Variants in CNTN5 observed in about 807,000 individuals in gnomAD.
CNTN5 encodes the protein contactin-5.
Under a neutral mutation model 129.1 loss-of-function variants are expected in CNTN5, and 77 were observed. The observed-to-expected ratio is 0.60, with a 90% confidence interval of 0.50 to 0.72. The LOEUF (loss-of-function observed/expected upper bound fraction) is 0.72, where lower values mean the gene tolerates loss of function less well. Ranked by LOEUF, CNTN5 falls within the 30% of genes least tolerant of loss-of-function variation. The pLI, the probability that CNTN5 is intolerant of heterozygous loss-of-function variation, is 0.00. For missense variants in CNTN5, 1,478 were observed against 1,328.8 expected (o/e 1.11, Z -1.75); for synonymous variants, 509 against 465.6 (o/e 1.09, Z -1.20).
At chr11:99,403,552 G>A (rs1941928071) in intron 2 of CNTN5, among the ~76,000 whole-genome samples, 1 of 151,756 alleles carries the variant, frequency 6.6e-6, no homozygotes, top group African/African-American at 2.4e-5. Context: ...GTTATGTTTG[G>A]TTTCCATTAT....
intron 13 of CNTN5, among the ~76,000 whole-genome samples, chr11:100,171,082 T>A (rs34307753): frequency 0.14 from 19,976 of 146,610 alleles, 1,306 homozygotes; most frequent in African/African-American, 0.17. Flanking sequence ...AAAAGTTGAT[T>A]GATGTTGATT....
At chr11:100,144,097 C>A (rs1946777746) in intron 13 of CNTN5, among the ~76,000 whole-genome samples, 1 of 152,122 alleles carries the variant, frequency 6.6e-6, no homozygotes, top group South Asian at 2.1e-4. Context: ...TCATGACTAT[C>A]AAATTTTACT....
At chr11:99,320,545 A>C (rs1865525951) in intron 1 of CNTN5, among the ~76,000 whole-genome samples, 1 of 152,212 alleles carries the variant, frequency 6.6e-6, no homozygotes. Context: ...GAAAGCCAGA[A>C]TCAAACACGG....
intron 3 of CNTN5, among the ~76,000 whole-genome samples, chr11:99,765,721 C>A (rs1162880354): frequency 6.6e-6 from 1 of 151,236 alleles, no homozygotes; most frequent in Non-Finnish European, 1.5e-5. Flanking sequence ...GAGTCTACAC[C>A]TTTTTTGTTG....
At chr11:100,209,483 T>C (rs1387791630) in intron 15 of CNTN5, among the ~76,000 whole-genome samples, 3 of 152,244 alleles carry the variant, frequency 2.0e-5, no homozygotes, top group African/African-American at 4.8e-5. Flanking sequence ...ACATTCTTTT[T>C]AACATGTTAG....
intron 2 of CNTN5, among the ~76,000 whole-genome samples, chr11:99,394,578 T>C (rs946809451): frequency 2.0e-5 from 3 of 151,644 alleles, no homozygotes; most frequent in Admixed American, 6.6e-5. Flanking sequence ...GGGGTATAAG[T>C]GCAGGTTTGT....
At chr11:99,353,624 A>G (rs569623072) in intron 2 of CNTN5, among the ~76,000 whole-genome samples, 38 of 152,352 alleles carry the variant, frequency 2.5e-4, no homozygotes, top group African/African-American at 8.4e-4. Context: ...CTAAGTCAAA[A>G]GAGGAGGGCC....
chr11:99,853,649 G>A (rs1435999107), intron 6 of CNTN5, among the ~76,000 whole-genome samples: 1 of 151,802 alleles, frequency 6.6e-6, no homozygotes, highest in African/African-American at 2.4e-5. Flanking sequence ...GATCCTCCTG[G>A]GATTACAGGC....
chr11:100,235,396 C>G lies in CNTN5; in HGVS notation c.2005+10584C>G, dbSNP rs78407192. Among the ~76,000 whole-genome samples the G allele has an allele frequency of 6.4e-3, 974 of 152,282 alleles. 18 individuals carry two copies. Among genetic ancestry groups the G allele is most frequent in the African/African-American group, 0.022 (929 of 41,562 alleles). Reference sequence around the variant, plus strand: ...TGAAAGGTTGGAAGGCTCTGCATAGCTTCAGGGAGAATAGCTGAAGGCAGC... The same window carrying G: ...TGAAAGGTTGGAAGGCTCTGCATAGGTTCAGGGAGAATAGCTGAAGGCAGC... On this transcript the variant is annotated intron_variant, in intron 16 of 24. Transcript: ENST00000524871.
intron 3 of CNTN5, among the ~76,000 whole-genome samples, chr11:99,693,360 T>C (rs1000078039): frequency 2.6e-5 from 4 of 152,100 alleles, no homozygotes; most frequent in Non-Finnish European, 4.4e-5. Context: ...AGTTTGTTTT[T>C]AAAACAAACA....
At chr11:99,295,407 G>A (rs1280181816) in intron 1 of CNTN5, among the ~76,000 whole-genome samples, 1 of 152,226 alleles carries the variant, frequency 6.6e-6, no homozygotes, top group Non-Finnish European at 1.5e-5. Flanking sequence ...AAAGTCTGTT[G>A]TGTAATGATA....
At chr11:100,285,146 CATT>C (rs908211748) in intron 18 of CNTN5, among the ~76,000 whole-genome samples, 5 of 152,200 alleles carry the variant, frequency 3.3e-5, no homozygotes, top group African/African-American at 9.6e-5. Context: ...TCACCTCCAT[CATT>C]AATTTAAATG....
At chr11:100,057,038 A>C (rs1943261471) in intron 9 of CNTN5, among the ~76,000 whole-genome samples, 2 of 151,508 alleles carry the variant, frequency 1.3e-5, no homozygotes, top group Admixed American at 6.6e-5. Context: ...TGAAAGTAGA[A>C]AGTGTATATC....
At chr11:100,162,038 C>G (rs147604109) in intron 13 of CNTN5, among the ~76,000 whole-genome samples, 1 of 151,648 alleles carries the variant, frequency 6.6e-6, no homozygotes, top group African/African-American at 2.4e-5. Flanking sequence ...CAGCAGGAGA[C>G]AGCCATTCAT....
At chr11:100,250,409 C>T (rs750508223) in intron 16 of CNTN5, among the ~76,000 whole-genome samples, 1 of 151,850 alleles carries the variant, frequency 6.6e-6, no homozygotes, top group Admixed American at 6.6e-5. Flanking sequence ...CTTCATCTTT[C>T]CTTCTACAAA....
intron 1 of CNTN5, among the ~76,000 whole-genome samples, chr11:99,264,855 T>G (rs903362844): frequency 4.6e-5 from 7 of 152,028 alleles, no homozygotes; most frequent in Non-Finnish European, 8.8e-5. Context: ...TTATCTTCAT[T>G]TTTTTATGTT....
chr11:100,092,635 A>G (rs1944832442), intron 13 of CNTN5, among the ~76,000 whole-genome samples: 1 of 152,166 alleles, frequency 6.6e-6, no homozygotes, highest in Admixed American at 6.6e-5. Context: ...AGATTGTTTT[A>G]AAAATTTAGA....
intron 18 of CNTN5, among the ~76,000 whole-genome samples, chr11:100,281,959 TTGTC>T (rs1239852244): frequency 6.6e-6 from 1 of 152,024 alleles, no homozygotes. Context: ...TTTGTTAAAT[TTGTC>T]TGATAGAATT....
At chr11:99,409,492 TA>T (rs1942290839) in intron 2 of CNTN5, among the ~76,000 whole-genome samples, 1 of 151,970 alleles carries the variant, frequency 6.6e-6, no homozygotes, top group Non-Finnish European at 1.5e-5. Flanking sequence ...AATAAATAAA[TA>T]AAGGCACTGA....
Sources: allele counts gnomAD v4.1 joint callset (sites outside exome capture counted in the v4.1 genomes callset), GRCh38; gene constraint gnomAD v4.1.1; transcripts MANE v1.5; gene names NCBI Gene and HGNC (gene_info 2026-07-23, HGNC 2026-07-21).